CPHXL2: variants seen among roughly 807,000 people sequenced by gnomAD.
CPHXL2 encodes the protein cytoplasmic polyadenylated homeobox like 2, also known as cytoplasmic polyadenylated homeobox-like protein 2.
chr16:75,673,871 T>C, the CPHXL2 span, among the ~76,000 whole-genome samples: 3 of 151,378 alleles, frequency 2.0e-5, no homozygotes, highest in African/African-American at 7.3e-5. Context: ...TCCCAGATAC[T>C]TGGGAGGCTG....
chr16:75,664,577 A>G, the CPHXL2 span, among the ~76,000 whole-genome samples: 1 of 145,546 alleles, frequency 6.9e-6, no homozygotes, highest in East Asian at 2.1e-4. Flanking sequence ...GTGAGGTGAG[A>G]TCGTGCCATT....
At chr16:75,662,994 G>A in the CPHXL2 span, among the ~76,000 whole-genome samples, 4 of 152,024 alleles carry the variant, frequency 2.6e-5, no homozygotes, top group African/African-American at 7.2e-5. Context: ...TAGAGACGGG[G>A]TTTCACCGTG....
At chr16:75,663,724 A>C in the CPHXL2 span, among the ~76,000 whole-genome samples, 2 of 151,570 alleles carry the variant, frequency 1.3e-5, no homozygotes, top group African/African-American at 4.9e-5. Flanking sequence ...TCTACTAAAA[A>C]AAATACAAAA....
At chr16:75,662,270 C>G in the CPHXL2 span, among the ~76,000 whole-genome samples, 2 of 151,926 alleles carry the variant, frequency 1.3e-5, no homozygotes, top group South Asian at 2.1e-4. Flanking sequence ...CCAGGAACTT[C>G]CACATGTTCA....
the CPHXL2 span, among the ~76,000 whole-genome samples, chr16:75,674,425 T>G: frequency 1.6e-5 from 2 of 128,118 alleles, no homozygotes; most frequent in East Asian, 4.4e-4. Context: ...TGAAAAAAAA[T>G]TGTTGAATAA....
chr16:75,676,060 CAA>C, the CPHXL2 span, among the ~76,000 whole-genome samples: 124 of 151,700 alleles, frequency 8.2e-4, no homozygotes, highest in African/African-American at 2.9e-3. Context: ...GCCTGGGTGA[CAA>C]GAGCAAAACT....
the CPHXL2 span, among the ~76,000 whole-genome samples, chr16:75,664,625 C>CAA: frequency 0.15 from 17,040 of 112,650 alleles, 1,532 homozygotes; most frequent in African/African-American, 0.23. Context: ...AACTCCATCT[C>CAA]AAAAAAAAAA....
At chr16:75,670,765 A>G in the CPHXL2 span, among the ~76,000 whole-genome samples, 1 of 152,118 alleles carries the variant, frequency 6.6e-6, no homozygotes, top group Non-Finnish European at 1.5e-5. Context: ...CCAAAGTGCT[A>G]GGATTACAGG....
At chr16:75,672,318 C>G in the CPHXL2 span, among the ~76,000 whole-genome samples, 1 of 151,434 alleles carries the variant, frequency 6.6e-6, no homozygotes, top group African/African-American at 2.4e-5. Flanking sequence ...CATTGGTTTA[C>G]AATTTCAAAA....
At chr16:75,673,294 G>T in the CPHXL2 span, among the ~76,000 whole-genome samples, 2 of 151,784 alleles carry the variant, frequency 1.3e-5, no homozygotes, top group African/African-American at 4.8e-5. Context: ...AATTAGCTGG[G>T]CATGGAGGCA....
chr16:75,675,965 G>A, the CPHXL2 span, among the ~76,000 whole-genome samples: 22 of 152,170 alleles, frequency 1.4e-4, no homozygotes, highest in African/African-American at 4.8e-4. Flanking sequence ...TGTAATCCCA[G>A]CTACTTGGGA....
At chr16:75,671,974 A>T in the CPHXL2 span, among the ~76,000 whole-genome samples, 1 of 152,040 alleles carries the variant, frequency 6.6e-6, no homozygotes, top group Admixed American at 6.5e-5. Context: ...GGGACATGCT[A>T]AAAAACTCAT....
At chr16:75,670,880 TC>T in the CPHXL2 span, among the ~76,000 whole-genome samples, 12 of 152,168 alleles carry the variant, frequency 7.9e-5, no homozygotes, top group Admixed American at 3.3e-4. Flanking sequence ...CTTCTTCTTT[TC>T]CCCCTCACTC....
chr16:75,661,423 A>T, the CPHXL2 span, among the ~76,000 whole-genome samples: 1 of 152,194 alleles, frequency 6.6e-6, no homozygotes, highest in East Asian at 1.9e-4. Flanking sequence ...AGAACTGCAC[A>T]TATGATACCG....
the CPHXL2 span, among the ~76,000 whole-genome samples, chr16:75,664,641 AAG>A: frequency 3.4e-5 from 5 of 147,060 alleles, no homozygotes; most frequent in Non-Finnish European, 6.0e-5. Flanking sequence ...AAAAAAAAAA[AAG>A]AAAGAAAGAA....
the CPHXL2 span, among the ~76,000 whole-genome samples, chr16:75,663,179 T>A: frequency 6.6e-6 from 1 of 152,164 alleles, no homozygotes; most frequent in Non-Finnish European, 1.5e-5. Context: ...TTTTTATATT[T>A]CCATGCCCTG....
At chr16:75,666,119 G>T in the CPHXL2 span, among the ~76,000 whole-genome samples, 1 of 152,130 alleles carries the variant, frequency 6.6e-6, no homozygotes, top group Non-Finnish European at 1.5e-5. Context: ...CCAAAAGCAA[G>T]CAGGAGTAGC....
chr16:75,668,603 T>C, the CPHXL2 span, among the ~76,000 whole-genome samples: 1 of 152,208 alleles, frequency 6.6e-6, no homozygotes, highest in Non-Finnish European at 1.5e-5. Context: ...AGGATGTTTC[T>C]GTCCTTTACA....
the CPHXL2 span, among the ~76,000 whole-genome samples, chr16:75,675,415 T>C: frequency 6.6e-6 from 1 of 152,230 alleles, no homozygotes; most frequent in African/African-American, 2.4e-5. Context: ...AGCCCTCACA[T>C]TTCCAGACAA....
Sources: gnomAD v4.1 joint callset for allele counts (sites outside exome capture counted in the v4.1 genomes callset) on GRCh38, gnomAD v4.1.1 for gene constraint, MANE v1.5 for transcripts, NCBI Gene and HGNC (gene_info 2026-07-23, HGNC 2026-07-21) for gene names.